Variants in ATP2C2 observed in about 807,000 individuals in gnomAD.
The protein encoded by ATP2C2 is calcium-transporting ATPase type 2C member 2.
A neutral mutation model predicts 110.8 loss-of-function variants in ATP2C2; 171 were observed. The ratio of observed to expected loss-of-function variants is 1.54; its 90% CI spans 1.36 to 1.75. The LOEUF (loss-of-function observed/expected upper bound fraction) is 1.75. ATP2C2 is among the 40% of genes most tolerant of loss of function. ATP2C2 has a pLI of 0.00. For synonymous variants in ATP2C2, 804 were observed against 508.4 expected (o/e 1.58, Z -7.82); for missense variants, 1,963 against 1,235.0 (o/e 1.59, Z -8.84).
At chr16:84,409,875 C>A (rs1322647397) in intron 4 of ATP2C2, among the ~76,000 whole-genome samples, 2 of 152,152 alleles carry the variant, frequency 1.3e-5, no homozygotes, top group African/African-American at 4.8e-5. Flanking sequence ...AATACAAACA[C>A]AGACTCATTC....
chr16:84,427,388 CAT>C (rs1907895887), intron 11 of ATP2C2, among the ~76,000 whole-genome samples: 2 of 152,140 alleles, frequency 1.3e-5, no homozygotes, highest in Admixed American at 6.6e-5. Context: ...GCCAGTTGCA[CAT>C]GTTATATGAT....
rs561318835 is a variant in ATP2C2 at position 84,381,533 on chromosome 16, T to C, written c.99+12819T>C. ...CAGAGGTTGCAGTGAGCCGAGATCA[T>C]GCCACTGCACTCCAGCCTGGACGAC... On this transcript the variant is annotated intron_variant, in intron 1 of 26. Transcript: ENST00000262429. 3.3e-3 allele frequency among the ~76,000 whole-genome samples: 507 copies of C among 152,142 alleles called. 1 individual carries two copies. The highest frequency in any genetic ancestry group is 4.9e-3 in the Non-Finnish European group (332 of 68,014).
At chr16:84,455,027 G>A (rs368014689) in intron 21 of ATP2C2, 43 bp downstream of exon 21, 37 of 1,608,116 alleles carry the variant, frequency 2.3e-5, no homozygotes, top group Admixed American at 8.4e-5. Flanking sequence ...AAAAATGCCT[G>A]GGGTCACCAG....
chr16:84,422,886 A>G (rs965767725), intron 9 of ATP2C2, among the ~76,000 whole-genome samples, 189 bp downstream of exon 9: 6 of 151,988 alleles, frequency 3.9e-5, no homozygotes, highest in African/African-American at 1.5e-4. Context: ...GCTGGTCTCA[A>G]ACTCCTGAGC....
intron 23 of ATP2C2, 143 bp downstream of exon 23, chr16:84,459,529 G>A: frequency 6.4e-7 from 1 of 1,550,946 alleles, no homozygotes; most frequent in East Asian, 2.4e-5. Flanking sequence ...ACTGAAGTGT[G>A]TTGCACTGCA....
rs1258299467 is a variant in ATP2C2 at position 84,436,837 on chromosome 16, A to G, written c.987-2329A>G. Among the ~76,000 whole-genome samples, 3 of 142,954 alleles carry G rather than the reference A, an allele frequency of 2.1e-5. No homozygotes were observed. In the East Asian group the frequency reaches 6.2e-4, roughly 29 times the overall value. The allele number at this position is 142,954 out of a possible 152,430, so 93.8% of individuals were successfully genotyped here. On this transcript the variant is annotated intron_variant, in intron 11 of 26. Transcript: ENST00000262429. ...GAGTGCAATGGCACCATCTCAGCTCACCACAACCTCCACCTCCCAGGTTCA... is the reference window on the plus strand; with the variant it reads ...GAGTGCAATGGCACCATCTCAGCTCGCCACAACCTCCACCTCCCAGGTTCA...
intron 11 of ATP2C2, 149 bp from the exon 12 acceptor site, chr16:84,439,017 T>G (rs1404270482): frequency 8.3e-7 from 1 of 1,202,862 alleles, no homozygotes. Flanking sequence ...AGGAGGCAGG[T>G]GCACCTTAGG....
At chr16:84,419,306 C>G (rs921678231) in intron 7 of ATP2C2, among the ~76,000 whole-genome samples, 1 of 148,390 alleles carries the variant, frequency 6.7e-6, no homozygotes, top group African/African-American at 2.5e-5. Context: ...TTCCCAGCTT[C>G]TAGAAGCCGC....
rs192394889 is a variant in ATP2C2, at chr16:84,401,266, C to A, written c.210+2657C>A. 9.6e-4 allele frequency among the ~76,000 whole-genome samples: 142 copies of A among 147,992 alleles called. 1 individual carries two copies. Among genetic ancestry groups the A allele is most frequent in the African/African-American group, 3.4e-3 (136 of 40,278 alleles). ...TGAGACAGGGTCTCACTCTGTTGCCCAGGCTGGAGTGCGGTGGCGCTATCT... is the reference window on the plus strand; with the variant it reads ...TGAGACAGGGTCTCACTCTGTTGCCAAGGCTGGAGTGCGGTGGCGCTATCT... On this transcript the variant is annotated intron_variant, in intron 2 of 26. Coordinates refer to ENST00000262429, the MANE Select transcript of ATP2C2 (RefSeq NM_014861.4).
intron 1 of ATP2C2, among the ~76,000 whole-genome samples, chr16:84,387,415 G>C (rs540329161): frequency 2.2e-4 from 34 of 152,288 alleles, no homozygotes; most frequent in Middle Eastern, 3.4e-3. Flanking sequence ...AGGAGGCTGA[G>C]GCAGGAGAAT....
At chr16:84,435,264 T>C (rs966711249) in intron 11 of ATP2C2, among the ~76,000 whole-genome samples, 1 of 152,258 alleles carries the variant, frequency 6.6e-6, no homozygotes, top group Non-Finnish European at 1.5e-5. Context: ...ATGGTGTTAC[T>C]GATTAATTGG....
rs974321077 is a variant in ATP2C2 at position 84,422,466 on chromosome 16, C to A, written c.701C>A (p.Thr234Lys). The A allele has an allele frequency of 2.5e-6, 4 of 1,614,050 alleles. No individual in the cohort carries two copies. The highest frequency in any genetic ancestry group is 2.2e-5 in the East Asian group (1 of 44,888). The change falls in exon 8 of 27, where the codon ACA (threonine) becomes AAA (lysine). Residue 234 changes from threonine to lysine, a missense_variant. Thr to Lys is a moderately conservative substitution (Grantham distance 78, BLOSUM62 -1). Transcript: ENST00000262429. ...EPCSKTDSPL[T>K]GGGDLTTLSN... ...TGTAGTAAAACAGACAGCCCCTTGA[C>A]AGGCGGTGGGGACCTCACCACCCTC...
intron 1 of ATP2C2, among the ~76,000 whole-genome samples, chr16:84,388,905 G>T (rs987559717): frequency 6.6e-6 from 1 of 152,174 alleles, no homozygotes; most frequent in Non-Finnish European, 1.5e-5. Flanking sequence ...CTGAGTAGCT[G>T]GGGCTACAGG....
rs1911659738 is a variant in ATP2C2 at position 84,463,911 on chromosome 16, C to T, written c.*179C>T. The T allele has an allele frequency of 1.6e-6, 1 of 606,786 alleles. No individual in the cohort carries two copies. Among genetic ancestry groups the T allele is most frequent in the Non-Finnish European group, 2.9e-6 (1 of 342,324 alleles). The allele number at this position is 606,786 out of a possible 1,614,324, so 37.6% of individuals were successfully genotyped here. ...GGGCTCCAGGGACCCAGGCCCACAT[C>T]CATCCAGCGTTCCCGCTGGCTGTGG... is the stretch of plus-strand genomic sequence containing the variant. On this transcript the variant is annotated 3_prime_UTR_variant, in exon 27 of 27. Coordinates refer to ENST00000262429, the MANE Select transcript of ATP2C2 (RefSeq NM_014861.4).
Position 84,453,200 on chromosome 16 carries a change from G to A in ATP2C2, c.1894G>A (p.Val632Met), listed in dbSNP as rs373786434. The A allele has an allele frequency of 1.7e-5, 28 of 1,613,758 alleles. No individual in the cohort carries two copies. Among genetic ancestry groups the A allele is most frequent in the East Asian group, 4.5e-5 (2 of 44,896 alleles). ...CATGTCCGGGGAGGAGGTGGACAGCGTGGAGAAGGGCGAGCTGGCCGACCG... is the reference window on the plus strand; with the variant it reads ...CATGTCCGGGGAGGAGGTGGACAGCATGGAGAAGGGCGAGCTGGCCGACCG... Reference protein sequence around the residue: ...QAMSGEEVDSVEKGELADRVG... With the variant: ...QAMSGEEVDSMEKGELADRVG... The change falls in exon 19 of 27, where the codon GTG (valine) becomes ATG (methionine). Residue 632 changes from valine (V) to methionine (M), a missense_variant. Val to Met is a conservative substitution (Grantham distance 21). Transcript: ENST00000262429.
intron 11 of ATP2C2, among the ~76,000 whole-genome samples, chr16:84,426,312 C>G (rs975970834): frequency 6.6e-6 from 1 of 152,086 alleles, no homozygotes; most frequent in Non-Finnish European, 1.5e-5. Flanking sequence ...AAGAACGGCT[C>G]GAAGGAGATG....
chr16:84,453,514 G>C (rs1181064399), intron 20 of ATP2C2, 143 bp downstream of exon 20: 8 of 1,135,230 alleles, frequency 7.0e-6, no homozygotes, highest in Non-Finnish European at 1.0e-5. Flanking sequence ...GCTGCCCCGG[G>C]AGTTACCTTT....
At chr16:84,463,353 A>G (rs545865868) in intron 26 of ATP2C2, among the ~76,000 whole-genome samples, 3 of 152,266 alleles carry the variant, frequency 2.0e-5, no homozygotes, top group Admixed American at 6.5e-5. Context: ...GCCCGAGTCC[A>G]TAACATGCTC....
chr16:84,442,526 A>G lies in ATP2C2; in HGVS notation c.1328A>G (p.Asn443Ser), dbSNP rs374381332. The change falls in exon 15 of 27, where the codon AAC (asparagine) becomes AGC (serine). Residue 443 changes from asparagine to serine, a missense_variant. Physicochemically the swap from Asn to Ser is conservative, Grantham distance 46 (BLOSUM62 1). Coordinates refer to ENST00000262429, the MANE Select transcript of ATP2C2 (RefSeq NM_014861.4). ...GKLVEAGCVA[N>S]NAVIRKNAVM... ...CCCTTTTAGGCGGGCTGTGTTGCCA[A>G]CAATGCGGTCATCAGAAAGAACGCC... 5.0e-6 allele frequency: 8 copies of G among 1,613,930 alleles called. No individual in the cohort carries two copies. The African/African-American group carries it at 8.0e-5, about 16-fold the overall frequency.
Sources: gnomAD v4.1 joint callset for allele counts (sites outside exome capture counted in the v4.1 genomes callset) on GRCh38, gnomAD v4.1.1 for gene constraint, MANE v1.5 for transcripts, NCBI Gene and HGNC (gene_info 2026-07-23, HGNC 2026-07-21) for gene names.